The following ST3GAL3 variants were observed in gnomAD, a reference collection of about 807,000 sequenced individuals.
The protein encoded by ST3GAL3 is ST3 beta-galactoside alpha-2,3-sialyltransferase 3.
ST3GAL3 carries 21 observed loss-of-function variants against 50.1 expected under a neutral mutation model. The observed-to-expected ratio is 0.42, with a 90% confidence interval of 0.30 to 0.60. The LOEUF (loss-of-function observed/expected upper bound fraction) is 0.60, where lower values mean the gene tolerates loss of function less well. Ranked by LOEUF, ST3GAL3 falls within the 20% of genes least tolerant of loss-of-function variation. ST3GAL3 has a pLI of 0.19. For missense variants in ST3GAL3, 353 were observed against 489.4 expected (o/e 0.72, Z 2.63); for synonymous variants, 183 against 190.0 (o/e 0.96, Z 0.30).
chr1:43,797,230 T>A (rs1418276344), intron 3 of ST3GAL3, among the ~76,000 whole-genome samples: 1 of 152,124 alleles, frequency 6.6e-6, no homozygotes, highest in African/African-American at 2.4e-5. Context: ...AAGATTTTTT[T>A]AAATGAAGGT....
intron 1 of ST3GAL3, among the ~76,000 whole-genome samples, chr1:43,718,339 G>A (rs187827467): frequency 1.7e-3 from 261 of 150,568 alleles, no homozygotes; most frequent in Middle Eastern, 6.9e-3. Context: ...ATAGGCGCCC[G>A]CCACCATGCC....
chr1:43,894,665 A>T (rs2077132935), intron 6 of ST3GAL3, among the ~76,000 whole-genome samples, 188 bp downstream of exon 6: 2 of 148,106 alleles, frequency 1.4e-5, no homozygotes. Flanking sequence ...TTTGAGATAG[A>T]TCCTTGCTCT....
intron 5 of ST3GAL3, among the ~76,000 whole-genome samples, chr1:43,861,627 C>T (rs961957754): frequency 6.6e-6 from 1 of 152,284 alleles, no homozygotes; most frequent in South Asian, 2.1e-4. Context: ...TTCCTGGTGC[C>T]GTAACCCCTA....
chr1:43,886,480 T>C (rs2076006647), intron 5 of ST3GAL3, among the ~76,000 whole-genome samples: 1 of 152,230 alleles, frequency 6.6e-6, no homozygotes, highest in Non-Finnish European at 1.5e-5. Context: ...CACTTTGTAC[T>C]CCATAAATAT....
chr1:43,851,488 C>A, intron 5 of ST3GAL3: 1 of 1,598,964 alleles, frequency 6.3e-7, no homozygotes, highest in Non-Finnish European at 8.6e-7. Context: ...TCAGTCCTGC[C>A]TTAGTATCTC....
chr1:43,894,648 T>TG (rs1054888529), intron 6 of ST3GAL3, among the ~76,000 whole-genome samples, 171 bp downstream of exon 6: 10 of 151,892 alleles, frequency 6.6e-5, no homozygotes, highest in East Asian at 1.9e-4. Flanking sequence ...TTTGTTTGTT[T>TG]TTTTTTTTTG....
At chr1:43,765,136 CA>C (rs1692072645) in intron 2 of ST3GAL3, among the ~76,000 whole-genome samples, 1 of 152,216 alleles carries the variant, frequency 6.6e-6, no homozygotes, top group Admixed American at 6.5e-5. Context: ...TCTCCTGTCA[CA>C]ATCTGGTGCA....
intron 4 of ST3GAL3, among the ~76,000 whole-genome samples, chr1:43,829,779 T>C (rs547145100): frequency 6.6e-6 from 1 of 152,144 alleles, no homozygotes. Flanking sequence ...CCTCCATACC[T>C]TGTATATAAT....
At chr1:43,892,346 C>G (rs2076801748) in intron 5 of ST3GAL3, among the ~76,000 whole-genome samples, 1 of 152,148 alleles carries the variant, frequency 6.6e-6, no homozygotes, top group Non-Finnish European at 1.5e-5. Context: ...CAGCCTCAAC[C>G]CCCCGAGCTC....
intron 4 of ST3GAL3, among the ~76,000 whole-genome samples, chr1:43,830,962 A>G (rs939636098): frequency 6.6e-6 from 1 of 152,228 alleles, no homozygotes; most frequent in Non-Finnish European, 1.5e-5. Context: ...ACATTAAAAC[A>G]GTAGGAACAG....
chr1:43,893,689 T>A (rs1244419274), intron 5 of ST3GAL3, among the ~76,000 whole-genome samples: 1 of 152,176 alleles, frequency 6.6e-6, no homozygotes, highest in Non-Finnish European at 1.5e-5. Flanking sequence ...CAGGCCCAGA[T>A]CAACCCTTCC....
Position 43,899,490 on chromosome 1 carries a change from G to A in ST3GAL3, c.558-51G>A, listed in dbSNP as rs746377334. 6 of 1,606,130 alleles carry A rather than the reference G, an allele frequency of 3.7e-6. No individual in the cohort carries two copies. In the East Asian group the frequency reaches 6.7e-5, roughly 18 times the overall value. On this transcript the variant is annotated intron_variant, in intron 8 of 11. Transcript: ENST00000347631. The surrounding 1 kb of genome is among the most constrained non-coding windows in gnomAD (Gnocchi z 5.4). Reference sequence around the variant, plus strand: ...CATGCCTGGGATAGTCTGGGGTCATGGTGCCTTCCCAAACACAGGCCCAGG... The same window carrying A: ...CATGCCTGGGATAGTCTGGGGTCATAGTGCCTTCCCAAACACAGGCCCAGG...
At chr1:43,875,326 T>C (rs1381250091) in intron 5 of ST3GAL3, among the ~76,000 whole-genome samples, 1 of 152,094 alleles carries the variant, frequency 6.6e-6, no homozygotes, top group African/African-American at 2.4e-5. Flanking sequence ...GCTTTAGTTA[T>C]TAGCAGCGAC....
chr1:43,733,600 G>T (rs1362370932), intron 1 of ST3GAL3, among the ~76,000 whole-genome samples: 1 of 152,080 alleles, frequency 6.6e-6, no homozygotes, highest in Non-Finnish European at 1.5e-5. Flanking sequence ...ATCTACCTTA[G>T]TAATTATAGC....
chr1:43,766,207 ACTT>A (rs1692893324), intron 2 of ST3GAL3, among the ~76,000 whole-genome samples: 1 of 152,106 alleles, frequency 6.6e-6, no homozygotes, highest in Admixed American at 6.6e-5. Context: ...GATATCAATG[ACTT>A]CTTCTGTCAG....
At position 43,814,911 on chromosome 1, in the gene ST3GAL3, C is replaced by T. The variant is rs752710850; in HGVS notation, c.187C>T (p.Leu63Phe). 8.1e-6 allele frequency: 13 copies of T among 1,614,130 alleles called. No homozygotes were observed. The highest frequency in any genetic ancestry group is 1.1e-5 in the Non-Finnish European group (13 of 1,180,010). ...TTCAGAGTATGATCGGTTGGGCTTC[C>T]TCCTGAATCTGGACTCTAAACTGTG... Reference protein sequence around the residue: ...LGSEYDRLGFLLNLDSKLPAE... With the variant: ...LGSEYDRLGFFLNLDSKLPAE... The change falls in exon 4 of 12, where the codon CTC (leucine) becomes TTC (phenylalanine). Residue 63 changes from leucine to phenylalanine, a missense_variant. Leu to Phe is a conservative substitution (Grantham distance 22). Coordinates refer to ENST00000347631, the MANE Select transcript of ST3GAL3 (RefSeq NM_006279.5).
At chr1:43,898,079 G>A in intron 6 of ST3GAL3, 156 bp from the exon 7 acceptor site, 1 of 779,760 alleles carries the variant, frequency 1.3e-6, no homozygotes, top group South Asian at 1.5e-5. Context: ...AAGAAAGTCA[G>A]GGCAGTGGCC....
At chr1:43,823,306 A>G (rs889141256) in intron 4 of ST3GAL3, among the ~76,000 whole-genome samples, 31 of 152,154 alleles carry the variant, frequency 2.0e-4, no homozygotes, top group African/African-American at 7.0e-4. Context: ...TCAAGGCCCT[A>G]CATGGTCCAC....
At chr1:43,796,090 G>A (rs532393851) in intron 3 of ST3GAL3, among the ~76,000 whole-genome samples, 2 of 152,312 alleles carry the variant, frequency 1.3e-5, no homozygotes, top group African/African-American at 4.8e-5. Flanking sequence ...GTGGTTGGGA[G>A]AGTGCCAGCA....
Sources: gnomAD v4.1 joint callset for allele counts (sites outside exome capture counted in the v4.1 genomes callset) on GRCh38, gnomAD v4.1.1 for gene constraint, Gnocchi (gnomAD v3.1) non-coding constraint, MANE v1.5 for transcripts, NCBI Gene and HGNC (gene_info 2026-07-23, HGNC 2026-07-21) for gene names.